The following PRL variants were observed in gnomAD, a reference collection of about 807,000 sequenced individuals.
PRL encodes prolactin, also known as decidual prolactin.
A neutral mutation model predicts 21.3 loss-of-function variants in PRL; 24 were observed. The observed-to-expected ratio is 1.13, with a 90% CI of 0.82 to 1.59. The LOEUF (loss-of-function observed/expected upper bound fraction) is 1.59. Ranked by LOEUF, PRL falls within the 40% of genes most tolerant of loss-of-function variation. The probability of loss-of-function intolerance (pLI) is 0.00; values close to 1 mark genes in which losing one functional copy is unlikely to be tolerated. For missense variants in PRL, 243 were observed against 286.9 expected (o/e 0.85, Z 1.10); for synonymous variants, 118 against 115.7 (o/e 1.02, Z -0.13).
At chr6:22,295,008 A>C (rs928689404) in intron 1 of PRL, among the ~76,000 whole-genome samples, 2 of 152,144 alleles carry the variant, frequency 1.3e-5, no homozygotes, top group Non-Finnish European at 2.9e-5. Context: ...TACATTGTAG[A>C]CACTGATATA....
At position 22,290,088 on chromosome 6, in the gene PRL, C is replaced by T. The variant is rs938189233; in HGVS notation, c.492+86G>A. 6.8e-6 allele frequency: 9 copies of T among 1,318,164 alleles called. No individual in the cohort carries two copies. In the Admixed American group the frequency reaches 7.6e-5, roughly 11 times the overall value. The allele number at this position is 1,318,164 out of a possible 1,614,324, so 81.7% of individuals were successfully genotyped here. The stretch of plus-strand genomic sequence containing the variant: ...CTATAATATGGAATGCCTAAATTTC[C>T]TTCTTTCAAAGGGAAATATTTATCA... On this transcript the variant is annotated intron_variant, in intron 4 of 4. Transcript: ENST00000306482.
chr6:22,300,054 G>C (rs1295071337), upstream of PRL, among the ~76,000 whole-genome samples: 1 of 152,070 alleles, frequency 6.6e-6, no homozygotes, highest in African/African-American at 2.4e-5. Context: ...GAAAAATTCT[G>C]AATAGTCGTC....
At chr6:22,293,360 T>C (rs1356543255) in intron 2 of PRL, among the ~76,000 whole-genome samples, 1 of 152,048 alleles carries the variant, frequency 6.6e-6, no homozygotes, top group Non-Finnish European at 1.5e-5. Context: ...CTAGGAAGAT[T>C]TGGAAGACAA....
upstream of PRL, among the ~76,000 whole-genome samples, chr6:22,300,632 T>C (rs1233962986): frequency 6.6e-6 from 1 of 152,236 alleles, no homozygotes; most frequent in Non-Finnish European, 1.5e-5. Flanking sequence ...TTAACAATAA[T>C]AAGACATGCT....
At chr6:22,299,699 C>T (rs893900144), upstream of PRL, among the ~76,000 whole-genome samples, 4 of 151,948 alleles carry the variant, frequency 2.6e-5, no homozygotes, top group Non-Finnish European at 4.4e-5. Flanking sequence ...ATTAGCTAGG[C>T]GTGGTGGCAG....
chr6:22,292,472 A>G (rs78697234), intron 3 of PRL, 66 bp downstream of exon 3: 29,126 of 1,433,014 alleles, frequency 0.02, 374 homozygotes, highest in Non-Finnish European at 0.026. Flanking sequence ...TACAGCACCT[A>G]TCACCATGAT....
rs143082873 is a variant in PRL, at chr6:22,287,456, G to A, written c.630C>T (p.Ile210=). 169 of 1,614,042 alleles carry A rather than the reference G, an allele frequency of 1.0e-4. 1 individual carries two copies. The African/African-American group carries it at 1.7e-3, about 17-fold the overall frequency. ...ACTTCAGGAGCTTGAGATAATTGTC[G>A]ATTTTATGTGAATCCCTGCGTAGGC... ...LHCLRRDSHK[I]DNYLKLLKCR... The change falls in exon 5 of 5, where the codon ATC becomes ATT. Residue 210 remains isoleucine (I), a synonymous_variant. Coordinates refer to ENST00000306482, the MANE Select transcript of PRL (RefSeq NM_000948.6).
chr6:22,287,360 T>A lies in PRL; in HGVS notation c.*42A>T. On this transcript the variant is annotated 3_prime_UTR_variant, in exon 5 of 5. Coordinates refer to ENST00000306482, the MANE Select transcript of PRL (RefSeq NM_000948.6). ...TAAAAGAAGCTTGCAATGGAACGGA[T>A]CATTAAGGACCTTCTCAGAAATAGA... 1 of 1,551,792 alleles carries A rather than the reference T, an allele frequency of 6.4e-7. No individual in the cohort carries two copies. Among genetic ancestry groups the A allele is most frequent in the Middle Eastern group, 1.7e-4 (1 of 5,812 alleles).
At chr6:22,293,741 G>A (rs1047828582) in intron 2 of PRL, among the ~76,000 whole-genome samples, 1 of 81,064 alleles carries the variant, frequency 1.2e-5, no homozygotes, top group Non-Finnish European at 2.5e-5. Flanking sequence ...GAGGGAGGGA[G>A]GGGAAGCAAG....
chr6:22,300,095 G>C (rs554105521), upstream of PRL, among the ~76,000 whole-genome samples: 2 of 152,242 alleles, frequency 1.3e-5, no homozygotes, highest in East Asian at 3.9e-4. Context: ...AATAGGACGT[G>C]TGCTGTTTTC....
intron 1 of PRL, among the ~76,000 whole-genome samples, chr6:22,295,182 A>C (rs1252780588): frequency 7.4e-6 from 1 of 135,120 alleles, no homozygotes; most frequent in African/African-American, 2.8e-5. Flanking sequence ...TGTGTTTGAC[A>C]CTTCGCCAAA....
chr6:22,290,062 T>C, intron 4 of PRL, 112 bp downstream of exon 4: 1 of 1,001,290 alleles, frequency 1.0e-6, no homozygotes, highest in Non-Finnish European at 1.4e-6. Context: ...TTAATAGCGG[T>C]CTATAATATG....
chr6:22,290,374 A>T, intron 3 of PRL, 21 bp from the exon 4 acceptor site: 1 of 1,525,942 alleles, frequency 6.6e-7, no homozygotes, highest in Non-Finnish European at 8.9e-7. Context: ...ATATAGAACA[A>T]TTGCATTAAA....
chr6:22,298,057 G>A (rs1309395926), upstream of PRL, among the ~76,000 whole-genome samples: 1 of 152,108 alleles, frequency 6.6e-6, no homozygotes, highest in Non-Finnish European at 1.5e-5. Context: ...GTTTTCCAGG[G>A]CAAACACACA....
Position 22,290,664 on chromosome 6 carries a change from G to A in PRL, c.313-311C>T, listed in dbSNP as rs1431460591. On this transcript the variant is annotated intron_variant, in intron 3 of 4. Transcript: ENST00000306482. The stretch of plus-strand genomic sequence containing the variant: ...ATCTGTCCACTTAGTAAGATCTTTC[G>A]TATTTGATTGATTTGCTTGTCCCTG... Among the ~76,000 whole-genome samples the A allele has an allele frequency of 2.6e-5, 4 of 151,962 alleles. No homozygotes were observed. The East Asian group carries it at 5.8e-4, about 22-fold the overall frequency.
chr6:22,296,805 G>T, intron 1 of PRL, 150 bp downstream of exon 1: 1 of 728,660 alleles, frequency 1.4e-6, no homozygotes, highest in Non-Finnish European at 2.3e-6. Flanking sequence ...GTTCTATGGT[G>T]CCCTTGTAAA....
upstream of PRL, among the ~76,000 whole-genome samples, chr6:22,300,587 C>T (rs1581391057): frequency 2.0e-5 from 3 of 152,318 alleles, no homozygotes; most frequent in African/African-American, 7.2e-5. Context: ...CTCGTTTAAA[C>T]TCTGCTAAAA....
intron 2 of PRL, among the ~76,000 whole-genome samples, chr6:22,293,620 A>G (rs868025128): frequency 2.5e-4 from 14 of 56,722 alleles, no homozygotes; most frequent in African/African-American, 9.3e-4. Flanking sequence ...GGGAGGAGGG[A>G]AGGAGGGAAG....
At chr6:22,289,495 A>G (rs1490740475) in intron 4 of PRL, among the ~76,000 whole-genome samples, 1 of 152,228 alleles carries the variant, frequency 6.6e-6, no homozygotes, top group Non-Finnish European at 1.5e-5. Context: ...AAGTACAATG[A>G]CATGAGTTTT....
Sources: gnomAD v4.1 joint callset for allele counts (sites outside exome capture counted in the v4.1 genomes callset) on GRCh38, gnomAD v4.1.1 for gene constraint, MANE v1.5 for transcripts, NCBI Gene and HGNC (gene_info 2026-07-23, HGNC 2026-07-21) for gene names.